The following F5 variants were observed in gnomAD, a reference collection of about 807,000 sequenced individuals.
F5 encodes the protein coagulation factor V.
F5 carries 138 observed loss-of-function variants against 216.4 expected under a neutral mutation model. The ratio of observed to expected loss-of-function variants is 0.64; its 90% CI spans 0.56 to 0.73. F5 has a LOEUF of 0.73. F5 is among the 30% of genes least tolerant of loss of function. The pLI, the probability that F5 is intolerant of heterozygous loss-of-function variation, is 0.00. For synonymous variants in F5, 916 were observed against 930.7 expected (o/e 0.98, Z 0.29); for missense variants, 2,403 against 2,674.0 (o/e 0.90, Z 2.24).
chr1:169,567,392 A>G (rs1181321219), intron 3 of F5, among the ~76,000 whole-genome samples: 2 of 151,454 alleles, frequency 1.3e-5, no homozygotes, highest in Non-Finnish European at 2.9e-5. Flanking sequence ...ATAAAAAAAA[A>G]TCTCCCAAAG....
chr1:169,571,123 A>T (rs1368479568), intron 3 of F5, among the ~76,000 whole-genome samples: 1 of 152,154 alleles, frequency 6.6e-6, no homozygotes, highest in Non-Finnish European at 1.5e-5. Flanking sequence ...TATAATATGG[A>T]TACAATTTTT....
rs752041305 is a variant in F5, at chr1:169,520,644, A to G, written c.6069T>C (p.Asp2023=). 6.2e-7 allele frequency: 1 copy of G among 1,613,794 alleles called. No individual in the cohort carries two copies. Among genetic ancestry groups the G allele is most frequent in the East Asian group, 2.2e-5 (1 of 44,834 alleles). ...ACTGATTCTCTTTTATTGTAGAGGCATCTGAATTGCCATTAAAATACTAGA... is the reference window on the plus strand; with the variant it reads ...ACTGATTCTCTTTTATTGTAGAGGCGTCTGAATTGCCATTAAAATACTAGA... ...RNVMYFNGNS[D]ASTIKENQFD... The change falls in exon 22 of 25, where the codon GAT becomes GAC. Residue 2023 remains aspartate, a synonymous_variant. Transcript: ENST00000367797.
At chr1:169,574,144 T>C (rs934335305) in intron 2 of F5, among the ~76,000 whole-genome samples, 2 of 152,198 alleles carry the variant, frequency 1.3e-5, no homozygotes, top group Admixed American at 1.3e-4. Flanking sequence ...TGAAATTTTA[T>C]ATAAGGGACT....
rs376972850 is a variant in F5, at chr1:169,542,018, C to T, written c.3072G>A (p.Gln1024=). The T allele has an allele frequency of 1.9e-5, 31 of 1,613,890 alleles. No individual in the cohort carries two copies. The African/African-American group carries it at 4.1e-4, about 22-fold the overall frequency. The change falls in exon 13 of 25, where the codon CAG becomes CAA. Residue 1024 remains glutamine (Q), a synonymous_variant. Transcript: ENST00000367797. ...TCTTTTTTCGTGTCTTAATGAGAAA[C>T]TGGCTTTTCTTCAGTCTACTCTTTC... ...DGGKSRLKKS[Q]FLIKTRKKKK... is the part of the protein sequence containing the mutation.
intron 10 of F5, among the ~76,000 whole-genome samples, chr1:169,546,825 G>A (rs1402690252): frequency 6.6e-6 from 1 of 152,034 alleles, no homozygotes; most frequent in African/African-American, 2.4e-5. Flanking sequence ...ATTAACTCAA[G>A]ATGGATTAAA....
At position 169,556,845 on chromosome 1, in the gene F5, G is replaced by T; in HGVS notation, c.753C>A (p.Asp251Glu). 6.2e-7 allele frequency: 1 copy of T among 1,613,994 alleles called. No homozygotes were observed. Among genetic ancestry groups the T allele is most frequent in the South Asian group, 1.1e-5 (1 of 91,080 alleles). ...TMPDITVCAHDHISWHLLGMS... is the reference protein window; with the variant it reads ...TMPDITVCAHEHISWHLLGMS... Reference sequence around the variant, plus strand: ...TTCCCAGCAGATGCCAGCTGATGTGGTCATGGGCACAAACTGTTATATCTG... The same window carrying T: ...TTCCCAGCAGATGCCAGCTGATGTGTTCATGGGCACAAACTGTTATATCTG... The change falls in exon 6 of 25, where the codon GAC (aspartate) becomes GAA (glutamate). Residue 251 changes from aspartate to glutamate, a missense_variant. Asp to Glu is a conservative substitution (Grantham distance 45, BLOSUM62 2). Coordinates refer to ENST00000367797, the MANE Select transcript of F5 (RefSeq NM_000130.5).
At chr1:169,526,209 TA>T (rs1013564046) in intron 17 of F5, among the ~76,000 whole-genome samples, 192 bp from the exon 18 acceptor site, 4 of 151,866 alleles carry the variant, frequency 2.6e-5, no homozygotes, top group South Asian at 4.1e-4. Context: ...CAGAGATAAC[TA>T]AAAAAAATTT....
At chr1:169,567,466 C>T (rs1323794460) in intron 3 of F5, among the ~76,000 whole-genome samples, 2 of 151,440 alleles carry the variant, frequency 1.3e-5, no homozygotes, top group African/African-American at 4.9e-5. Context: ...TTGGAGGACA[C>T]AAACTTCCAA....
intron 2 of F5, among the ~76,000 whole-genome samples, chr1:169,575,931 T>C (rs1224894721): frequency 6.6e-6 from 1 of 152,154 alleles, no homozygotes; most frequent in African/African-American, 2.4e-5. Context: ...GCTGTCCAGG[T>C]GGATCCCATG....
intron 3 of F5, among the ~76,000 whole-genome samples, chr1:169,567,163 GGTGA>G (rs1464694474): frequency 5.3e-5 from 8 of 151,660 alleles, no homozygotes; most frequent in Non-Finnish European, 1.2e-4. Flanking sequence ...GTAGAAAGAG[GGTGA>G]GTGAGAGGGT....
In F5 at chr1:169,582,414, G is replaced by A. The variant is rs1661010784; in HGVS notation, c.250+17C>T. 1.5e-6 allele frequency: 2 copies of A among 1,353,426 alleles called. No homozygotes were observed. The highest frequency in any genetic ancestry group is 1.8e-4 in the Middle Eastern group (1 of 5,482). The allele number at this position is 1,353,426 out of a possible 1,614,324, so 83.8% of individuals were successfully genotyped here. A position where few individuals can be genotyped will look rare whatever the true frequency, so the allele number is the denominator to read the frequency against. On this transcript the variant is annotated intron_variant, in intron 2 of 24. Coordinates refer to ENST00000367797, the MANE Select transcript of F5 (RefSeq NM_000130.5). ...GAAATTTATCTTTAAAATTAAAAAAGTATATTTCAGGCTTACCTGAAATGG... is the reference window on the plus strand; with the variant it reads ...GAAATTTATCTTTAAAATTAAAAAAATATATTTCAGGCTTACCTGAAATGG...
At chr1:169,576,977 A>G (rs1421971133) in intron 2 of F5, among the ~76,000 whole-genome samples, 1 of 152,208 alleles carries the variant, frequency 6.6e-6, no homozygotes, top group Non-Finnish European at 1.5e-5. Flanking sequence ...AAGGCAAAAC[A>G]AAAGGATGTT....
intron 14 of F5, among the ~76,000 whole-genome samples, chr1:169,534,487 G>A (rs1279273773): frequency 6.6e-6 from 1 of 152,138 alleles, no homozygotes; most frequent in Non-Finnish European, 1.5e-5. Flanking sequence ...GGCCAACATG[G>A]TAAAACCCTG....
chr1:169,522,506 G>A (rs1659333399), intron 21 of F5, among the ~76,000 whole-genome samples: 1 of 152,072 alleles, frequency 6.6e-6, no homozygotes, highest in Non-Finnish European at 1.5e-5. Flanking sequence ...CAATGGTTCT[G>A]AGACATAGTA....
rs755153288 is a variant in F5 at position 169,552,629 on chromosome 1, T to C, written c.1224A>G (p.Thr408=). Residue 408 remains threonine (T), a synonymous_variant, in exon 8 of 25, where the codon ACA becomes ACG. Transcript: ENST00000367797. ...CATCTTCTTTCATATTGGGATTCAC[T>C]GTATGTTTGGTGAAGGACTCATCTT... The part of the protein sequence containing the change: ...QYEDESFTKH[T]VNPNMKEDGI... The C allele has an allele frequency of 5.5e-5, 88 of 1,613,358 alleles. No homozygotes were observed. The highest frequency in any genetic ancestry group is 4.2e-6 in the Non-Finnish European group (5 of 1,179,528).
At position 169,550,654 on chromosome 1, in the gene F5, G is replaced by T; in HGVS notation, c.1382C>A (p.Ser461Tyr). Residue 461 changes from serine (S) to tyrosine (Y), a missense_variant, in exon 9 of 25, where the codon TCT (serine) becomes TAT (tyrosine). This residue lies in a region of F5 where 1,425 missense variants were observed against 1,554.8 expected (regional missense o/e 0.92). Transcript: ENST00000367797. ...AAGATTCAAACCTGAGGTGAAAGAAGAGTTGACTTCATCTTCATAAGGCGA... is the reference window on the plus strand; with the variant it reads ...AAGATTCAAACCTGAGGTGAAAGAATAGTTGACTTCATCTTCATAAGGCGA... ...TFSPYEDEVN[S>Y]SFTSGRNNTM... is the part of the protein sequence containing the mutation. 6.2e-7 allele frequency: 1 copy of T among 1,613,246 alleles called. No individual in the cohort carries two copies. Among genetic ancestry groups the T allele is most frequent in the East Asian group, 2.2e-5 (1 of 44,850 alleles).
At position 169,541,931 on chromosome 1, in the gene F5, A is replaced by G. The variant is rs1279603132; in HGVS notation, c.3159T>C (p.Ser1053=). The G allele has an allele frequency of 6.2e-7, 1 of 1,614,002 alleles. No homozygotes were observed. The highest frequency in any genetic ancestry group is 1.3e-5 in the African/African-American group (1 of 74,916). ...LSPRTFHPLR[S]EAYNTFSERR... ...TTTCTGAAAATGTGTTGTAGGCTTC[A>G]CTTCTTAGAGGGTGAAAGGTCCTCG... Residue 1053 remains serine, a synonymous_variant, in exon 13 of 25, where the codon AGT becomes AGC. Coordinates refer to ENST00000367797, the MANE Select transcript of F5 (RefSeq NM_000130.5).
At chr1:169,551,198 C>T (rs992161829) in intron 8 of F5, among the ~76,000 whole-genome samples, 13 of 152,178 alleles carry the variant, frequency 8.5e-5, no homozygotes, top group African/African-American at 2.4e-4. Flanking sequence ...CCTGTAACCC[C>T]AGCACTTTGG....
chr1:169,517,683 G>C (rs567913360), intron 23 of F5, among the ~76,000 whole-genome samples: 1 of 152,146 alleles, frequency 6.6e-6, no homozygotes, highest in South Asian at 2.1e-4. Context: ...CTAATATCAG[G>C]GACAGTATAA....
Sources: allele counts gnomAD v4.1 joint callset (sites outside exome capture counted in the v4.1 genomes callset), GRCh38; gene constraint gnomAD v4.1.1; regional missense constraint gnomAD v4.1.1; transcripts MANE v1.5; gene names NCBI Gene and HGNC (gene_info 2026-07-23, HGNC 2026-07-21).